Variants in HTR1D observed in about 807,000 individuals in gnomAD.
HTR1D encodes 5-HT-1D.
In HTR1D, 18 loss-of-function variants were observed where a neutral mutation model predicts 21.1. That is an observed-to-expected ratio of 0.85 (90% CI 0.59 to 1.27). HTR1D has a LOEUF of 1.27. Ranked by LOEUF, HTR1D falls within the 50% of genes most tolerant of loss-of-function variation. The probability of loss-of-function intolerance (pLI) is 0.00; values close to 1 mark genes in which losing one functional copy is unlikely to be tolerated. For synonymous variants in HTR1D, 196 were observed against 204.4 expected, an observed-to-expected ratio of 0.96 and a Z score of 0.35; for missense variants, 456 against 481.4, an observed-to-expected ratio of 0.95 and a Z score of 0.49.
At chr1:23,213,501 A>AAAAACC (rs1644762028) in intron 1 of HTR1D, among the ~76,000 whole-genome samples, 4 of 152,302 alleles carry the variant, frequency 2.6e-5, no homozygotes, top group Admixed American at 6.5e-5. Flanking sequence ...AAACAAAAAC[A>AAAAACC]ATAAGGAAGC....
chr1:23,193,767 C>T lies in HTR1D; in HGVS notation c.453G>A (p.Thr151=), dbSNP rs778998754. 7.4e-6 allele frequency: 12 copies of T among 1,613,964 alleles called. No homozygotes were observed. The highest frequency in any genetic ancestry group is 3.3e-5 in the Admixed American group (2 of 60,000). ...CGATCATGGTGGCCGCGTGGCCAGC[C>T]GTCCTGCGTTTACTGTATTCCAGGG... ...TDALEYSKRR[T]AGHAATMIAI... is the part of the protein sequence containing the mutation. The change falls in exon 2 of 2, where the codon ACG becomes ACA. Residue 151 remains threonine (T), a synonymous_variant. Transcript: ENST00000374619.
At chr1:23,210,587 G>A (rs1644749889) in intron 1 of HTR1D, among the ~76,000 whole-genome samples, 1 of 152,112 alleles carries the variant, frequency 6.6e-6, no homozygotes, top group Non-Finnish European at 1.5e-5. Context: ...AACACAGTGT[G>A]TTACAGGCTG....
chr1:23,208,094 T>C (rs1156378281), intron 1 of HTR1D, among the ~76,000 whole-genome samples: 2 of 152,044 alleles, frequency 1.3e-5, no homozygotes, highest in Non-Finnish European at 2.9e-5. Flanking sequence ...CAACTCACTA[T>C]ATTCGCCCAT....
chr1:23,206,806 G>A (rs779560309), intron 1 of HTR1D, among the ~76,000 whole-genome samples: 2 of 152,084 alleles, frequency 1.3e-5, no homozygotes, highest in Non-Finnish European at 2.9e-5. Context: ...AGTAACAGGA[G>A]CTCCTTGAGT....
intron 1 of HTR1D, among the ~76,000 whole-genome samples, chr1:23,216,488 G>A (rs1181663291): frequency 1.3e-5 from 2 of 152,168 alleles, no homozygotes; most frequent in African/African-American, 2.4e-5. Flanking sequence ...CCCTGACTGA[G>A]AGCCCTGCTC....
At chr1:23,195,470 C>T (rs966827258) in intron 1 of HTR1D, among the ~76,000 whole-genome samples, 3 of 151,368 alleles carry the variant, frequency 2.0e-5, no homozygotes, top group African/African-American at 7.3e-5. Flanking sequence ...GACAGAGTCT[C>T]GCTCTGTTGC....
chr1:23,194,425 A>T lies in HTR1D; in HGVS notation c.-206T>A, dbSNP rs906354562. On this transcript the variant is annotated 5_prime_UTR_variant, in exon 2 of 2. Transcript: ENST00000374619. ...AAATTAAATAACAATAATAATAATA[A>T]TATTAAACAAGACCGGACTATTTGA... The T allele has an allele frequency of 8.0e-6, 3 of 373,140 alleles. No individual in the cohort carries two copies. Among genetic ancestry groups the T allele is most frequent in the African/African-American group, 4.2e-5 (2 of 47,916 alleles). 23.1% of individuals were successfully genotyped at this position (373,140 alleles called of 1,614,324 possible). A position where few individuals can be genotyped will look rare whatever the true frequency, so the allele number is the denominator to read the frequency against.
intron 1 of HTR1D, among the ~76,000 whole-genome samples, chr1:23,211,373 G>A (rs1403815837): frequency 6.6e-6 from 1 of 152,178 alleles, no homozygotes; most frequent in East Asian, 1.9e-4. Flanking sequence ...GGGAGCTATG[G>A]GAAGGAAAGT....
intron 1 of HTR1D, among the ~76,000 whole-genome samples, chr1:23,197,816 C>T (rs1273681209): frequency 1.3e-5 from 2 of 151,728 alleles, no homozygotes; most frequent in African/African-American, 4.8e-5. Context: ...GTGGGAGGAT[C>T]ACTTGGGCCC....
At chr1:23,197,282 G>A (rs1337858630) in intron 1 of HTR1D, among the ~76,000 whole-genome samples, 2 of 152,134 alleles carry the variant, frequency 1.3e-5, no homozygotes, top group African/African-American at 4.8e-5. Context: ...TTTGCAAGAA[G>A]TAACACAATT....
chr1:23,212,373 G>A (rs1013114828), intron 1 of HTR1D, among the ~76,000 whole-genome samples: 1 of 152,174 alleles, frequency 6.6e-6, no homozygotes, highest in Non-Finnish European at 1.5e-5. Flanking sequence ...TGCCCTGTGT[G>A]TGGGTGCCCA....
intron 1 of HTR1D, among the ~76,000 whole-genome samples, chr1:23,199,969 G>T (rs964094179): frequency 2.0e-4 from 30 of 152,228 alleles, no homozygotes; most frequent in African/African-American, 6.5e-4. Context: ...GCCTCCCAAA[G>T]TGCTGGGATT....
intron 1 of HTR1D, among the ~76,000 whole-genome samples, chr1:23,208,417 C>CAA (rs1644740466): frequency 6.6e-6 from 1 of 151,836 alleles, no homozygotes; most frequent in Non-Finnish European, 1.5e-5. Flanking sequence ...AATAAAAATA[C>CAA]AAAAGTAGCT....
At chr1:23,216,953 C>CG (rs1015064905) in intron 1 of HTR1D, among the ~76,000 whole-genome samples, 217 of 152,100 alleles carry the variant, frequency 1.4e-3, no homozygotes, top group Middle Eastern at 6.8e-3. Context: ...CGGGGCCCCT[C>CG]GGGGGGCGTC....
rs565696954 is a variant in HTR1D, at chr1:23,202,148, G to A, written c.-782-7147C>T. Among the ~76,000 whole-genome samples, 27 of 152,090 alleles carry A rather than the reference G, an allele frequency of 1.8e-4. No individual in the cohort carries two copies. The East Asian group carries it at 1.9e-3, about 11-fold the overall frequency. On this transcript the variant is annotated intron_variant, in intron 1 of 1. Transcript: ENST00000374619. ...GTCTCACTCTGTTGCCCAGGCTGGA[G>A]TGTAGTGACCCAATCTCAGCTCACT...
At chr1:23,215,682 A>G (rs964559873) in intron 1 of HTR1D, among the ~76,000 whole-genome samples, 1 of 152,194 alleles carries the variant, frequency 6.6e-6, no homozygotes, top group Non-Finnish European at 1.5e-5. Flanking sequence ...TTATTGATCC[A>G]TCAGGTAACT....
Position 23,193,186 on chromosome 1 carries a change from C to A in HTR1D, c.1034G>T (p.Gly345Val), listed in dbSNP as rs781365320. 6.2e-7 allele frequency: 1 copy of A among 1,613,946 alleles called. No individual in the cohort carries two copies. Among genetic ancestry groups the A allele is most frequent in the Non-Finnish European group, 8.5e-7 (1 of 1,180,010 alleles). Residue 345 changes from glycine (G) to valine (V), a missense_variant, in exon 2 of 2, where the codon GGC becomes GTC. Physicochemically the swap from Gly to Val is moderately radical, Grantham distance 109. Coordinates refer to ENST00000374619, the MANE Select transcript of HTR1D (RefSeq NM_000864.5). ...TGGATTGATGAGGGAGTTTAAATAGCCTAGCCAGGTGAAGAAGTCAAAGAG... is the reference window on the plus strand; with the variant it reads ...TGGATTGATGAGGGAGTTTAAATAGACTAGCCAGGTGAAGAAGTCAAAGAG... ...PALFDFFTWLGYLNSLINPII... is the reference protein window; with the variant it reads ...PALFDFFTWLVYLNSLINPII...
At chr1:23,212,365 C>T (rs1644756853) in intron 1 of HTR1D, among the ~76,000 whole-genome samples, 2 of 152,102 alleles carry the variant, frequency 1.3e-5, no homozygotes, top group African/African-American at 2.4e-5. Context: ...AAGCCCAGTG[C>T]CCTGTGTGTG....
intron 1 of HTR1D, among the ~76,000 whole-genome samples, chr1:23,197,646 C>T (rs760895135): frequency 1.3e-5 from 2 of 151,514 alleles, no homozygotes; most frequent in African/African-American, 2.4e-5. Context: ...CACTCGAATC[C>T]GTGAGGCAGA....
Sources: allele counts gnomAD v4.1 joint callset (sites outside exome capture counted in the v4.1 genomes callset), GRCh38; gene constraint gnomAD v4.1.1; transcripts MANE v1.5; gene names NCBI Gene and HGNC (gene_info 2026-07-23, HGNC 2026-07-21).